The following SYNE2 variants were observed in gnomAD, a reference collection of about 807,000 sequenced individuals.
SYNE2 encodes the protein nesprin-2.
A neutral mutation model predicts 856.3 loss-of-function variants in SYNE2; 431 were observed. The observed-to-expected ratio is 0.50, with a 90% CI of 0.47 to 0.55. The LOEUF (loss-of-function observed/expected upper bound fraction) is 0.55. Ranked by LOEUF, SYNE2 falls within the 20% of genes least tolerant of loss-of-function variation. The pLI is 0.00. For missense variants in SYNE2, 8,129 were observed against 8,023.2 expected (o/e 1.01, Z -0.50); for synonymous variants, 2,923 against 2,872.3 (o/e 1.02, Z -0.56).
At chr14:63,839,923 A>G (rs1889991580) in intron 1 of SYNE2, among the ~76,000 whole-genome samples, 1 of 152,170 alleles carries the variant, frequency 6.6e-6, no homozygotes, top group Non-Finnish European at 1.5e-5. Context: ...GTATGGGTTT[A>G]GCTTAAGCTT....
chr14:64,110,150 G>T (rs1482470884), intron 65 of SYNE2, among the ~76,000 whole-genome samples: 1 of 151,794 alleles, frequency 6.6e-6, no homozygotes, highest in South Asian at 2.1e-4. Flanking sequence ...AGCAGTGGGG[G>T]AGATATGCAG....
rs577819970 is a variant in SYNE2 at position 64,045,901 on chromosome 14, A to G, written c.7222-2099A>G. Among the ~76,000 whole-genome samples, 45 of 152,298 alleles carry G rather than the reference A, an allele frequency of 3.0e-4. 1 individual carries two copies. The highest frequency in any genetic ancestry group is 1.1e-3 in the African/African-American group (44 of 41,554). On this transcript the variant is annotated intron_variant, in intron 45 of 115. Coordinates refer to ENST00000555002, the MANE Select transcript of SYNE2 (RefSeq NM_182914.3). ...GAGATAATACAAAAAGTTCCTTCACACCCCTGCACCCAGTTTCCCCTATTG... is the reference window on the plus strand; with the variant it reads ...GAGATAATACAAAAAGTTCCTTCACGCCCCTGCACCCAGTTTCCCCTATTG...
chr14:64,221,610 G>A lies in SYNE2; in HGVS notation c.20096G>A (p.Trp6699Ter), dbSNP rs1362712436. The change falls in exon 112 of 116, where the codon TGG becomes TAG. Residue 6699 changes from tryptophan to a stop codon, truncating the protein, a stop_gained. Coordinates refer to ENST00000555002, the MANE Select transcript of SYNE2 (RefSeq NM_182914.3). LOFTEE classifies it high-confidence loss of function. ...FHQLSQNLLL[W>*]LASAKNRRQK... ...CAGTTGAGTCAAAATCTGCTGCTGT[G>A]GTTAGCGAGTGCCAAGAACCGGAGG... 5.0e-6 allele frequency: 8 copies of A among 1,614,164 alleles called. No individual in the cohort carries two copies. Among genetic ancestry groups the A allele is most frequent in the Non-Finnish European group, 6.8e-6 (8 of 1,180,036 alleles).
intron 1 of SYNE2, among the ~76,000 whole-genome samples, chr14:63,815,571 C>T (rs1888944499): frequency 6.6e-6 from 1 of 151,998 alleles, no homozygotes; most frequent in Admixed American, 6.6e-5. Flanking sequence ...CCTTTGGTAA[C>T]ACCCTCATAG....
rs1052316602 is a variant in SYNE2, at chr14:64,062,904, A to G, written c.10212+9A>G. The G allele has an allele frequency of 2.5e-6, 4 of 1,614,138 alleles. No individual in the cohort carries two copies. In the African/African-American group the frequency reaches 5.3e-5, roughly 22 times the overall value. On this transcript the variant is annotated intron_variant, in intron 50 of 115. Transcript: ENST00000555002. ...GCTTGGAACAGAGCAAGGTAATAGT[A>G]TTGGCAATTAGCCAGTAAGTCTGTG...
chr14:63,953,414 A>T (rs548325671), intron 7 of SYNE2, among the ~76,000 whole-genome samples: 15 of 152,318 alleles, frequency 9.8e-5, no homozygotes, highest in African/African-American at 3.4e-4. Context: ...GAGAGGGGAG[A>T]TACAAAGATG....
upstream of SYNE2, among the ~76,000 whole-genome samples, chr14:63,852,816 C>G (rs1890664508): frequency 6.6e-6 from 1 of 152,088 alleles, no homozygotes; most frequent in Non-Finnish European, 1.5e-5. Flanking sequence ...CCTCTGATGT[C>G]CCAAAAGACG....
intron 2 of SYNE2, among the ~76,000 whole-genome samples, chr14:63,927,175 G>A (rs1315248599): frequency 6.6e-6 from 1 of 152,214 alleles, no homozygotes; most frequent in Non-Finnish European, 1.5e-5. Context: ...AGTAATTCGG[G>A]TAAGTTTGGG....
At chr14:64,141,276 A>G (rs1035098707) in intron 80 of SYNE2, 65 bp from the exon 81 acceptor site, 1 of 1,347,062 alleles carries the variant, frequency 7.4e-7, no homozygotes, top group African/African-American at 1.5e-5. Flanking sequence ...CTAGCCAGTT[A>G]TTCCGACTCT....
At chr14:64,182,348 G>A (rs2098461886) in intron 96 of SYNE2, among the ~76,000 whole-genome samples, 1 of 142,840 alleles carries the variant, frequency 7.0e-6, no homozygotes, top group South Asian at 2.2e-4. Context: ...CAAGTCTGGG[G>A]CAATTTAATT....
At chr14:64,074,557 A>T (rs1232052943) in intron 53 of SYNE2, among the ~76,000 whole-genome samples, 1 of 152,198 alleles carries the variant, frequency 6.6e-6, no homozygotes, top group Non-Finnish European at 1.5e-5. Context: ...CTTTCATTCC[A>T]GTCCAATAGT....
At chr14:63,915,072 C>T (rs2095518599) in intron 2 of SYNE2, among the ~76,000 whole-genome samples, 1 of 152,212 alleles carries the variant, frequency 6.6e-6, no homozygotes, top group Non-Finnish European at 1.5e-5. Context: ...AGCCACTGTG[C>T]CTGGCCTATT....
intron 2 of SYNE2, among the ~76,000 whole-genome samples, chr14:63,936,437 G>A (rs147707943): frequency 3.3e-5 from 5 of 152,228 alleles, no homozygotes; most frequent in Non-Finnish European, 7.4e-5. Flanking sequence ...ATTTTAGATC[G>A]GACAGTCAGG....
At position 64,181,462 on chromosome 14, in the gene SYNE2, AAGTATC is replaced by A. The variant is rs1010756384; in HGVS notation, c.17556+3981_17556+3986del. On this transcript the variant is annotated intron_variant, in intron 96 of 115. Coordinates refer to ENST00000555002, the MANE Select transcript of SYNE2 (RefSeq NM_182914.3). ...CCCTTGAGCAGCCATAATTTTTCTC[AAGTATC>A]ACACTTCTCAGTTTCCAGTGGGATC... 5.3e-4 allele frequency among the ~76,000 whole-genome samples: 80 copies of A among 152,182 alleles called. 7 individuals carry two copies.
intron 13 of SYNE2, 70 bp downstream of exon 13, chr14:63,978,087 C>T: frequency 1.0e-6 from 1 of 969,778 alleles, no homozygotes; most frequent in Non-Finnish European, 1.7e-6. Flanking sequence ...ACTACAGGGA[C>T]CACAAAATAC....
chr14:63,969,451 T>TC (rs1464719561), intron 11 of SYNE2, among the ~76,000 whole-genome samples: 1 of 151,210 alleles, frequency 6.6e-6, no homozygotes, highest in East Asian at 1.9e-4. Context: ...CAAGTGATTC[T>TC]TTGCCTCAGC....
chr14:64,087,845 C>T lies in SYNE2; in HGVS notation c.11659C>T (p.Arg3887Ter), dbSNP rs764509667. The change falls in exon 58 of 116, where the codon CGA becomes TGA. Residue 3887 changes from arginine (R) to a stop codon, truncating the protein, a stop_gained. Coordinates refer to ENST00000555002, the MANE Select transcript of SYNE2 (RefSeq NM_182914.3). LOFTEE classifies it high-confidence loss of function. Reference sequence around the variant, plus strand: ...AATGGAAAGCCTTCCACAGATTCAGCGAATGGCTGATGTAAGTTTGCACCA... The same window carrying T: ...AATGGAAAGCCTTCCACAGATTCAGTGAATGGCTGATGTAAGTTTGCACCA... The part of the protein sequence containing the change: ...KIMESLPQIQ[R>*]MADDVVAIES... 7 of 1,613,944 alleles carry T rather than the reference C, an allele frequency of 4.3e-6. No homozygotes were observed. Among genetic ancestry groups the T allele is most frequent in the East Asian group, 2.2e-5 (1 of 44,854 alleles).
At chr14:63,858,711 G>A (rs1892623257) in intron 1 of SYNE2, among the ~76,000 whole-genome samples, 1 of 152,028 alleles carries the variant, frequency 6.6e-6, no homozygotes, top group Admixed American at 6.6e-5. Flanking sequence ...TAACAGTATT[G>A]CCTCTTAATA....
intron 57 of SYNE2, among the ~76,000 whole-genome samples, chr14:64,082,953 T>C (rs997996321): frequency 7.2e-5 from 11 of 152,186 alleles, no homozygotes; most frequent in Non-Finnish European, 1.5e-5. Context: ...GGATGCTGAG[T>C]ACTAGGGAAG....
Sources: gnomAD v4.1 joint callset for allele counts (sites outside exome capture counted in the v4.1 genomes callset) on GRCh38, gnomAD v4.1.1 for gene constraint, MANE v1.5 for transcripts, NCBI Gene and HGNC (gene_info 2026-07-23, HGNC 2026-07-21) for gene names.